RAPGEF2: variants seen among roughly 807,000 people sequenced by gnomAD.
RAPGEF2 encodes the protein Rap guanine nucleotide exchange factor 2.
RAPGEF2 carries 54 observed loss-of-function variants against 186.7 expected under a neutral mutation model. That is an observed-to-expected ratio of 0.29 (90% CI 0.23 to 0.36). The LOEUF (loss-of-function observed/expected upper bound fraction) is 0.36. Ranked by LOEUF, RAPGEF2 falls within the 10% of genes least tolerant of loss-of-function variation. The probability of loss-of-function intolerance (pLI) is 1.00; values close to 1 mark genes in which losing one functional copy is unlikely to be tolerated. For synonymous variants in RAPGEF2, 712 were observed against 705.9 expected (o/e 1.01, Z -0.14); for missense variants, 1,532 against 2,045.0 (o/e 0.75, Z 4.84).
intron 1 of RAPGEF2, among the ~76,000 whole-genome samples, chr4:159,166,474 A>G (rs978249477): frequency 5.3e-5 from 8 of 152,228 alleles, no homozygotes; most frequent in Admixed American, 6.5e-5. Context: ...TTGATCAGAC[A>G]TGCATTTTTA....
At chr4:159,173,817 G>A (rs1399381094) in intron 1 of RAPGEF2, among the ~76,000 whole-genome samples, 1 of 152,118 alleles carries the variant, frequency 6.6e-6, no homozygotes, top group Non-Finnish European at 1.5e-5. Context: ...GCTAACTTTT[G>A]ATGGAAAAAA....
chr4:159,222,985 G>C (rs1751679600), intron 4 of RAPGEF2, among the ~76,000 whole-genome samples: 1 of 151,754 alleles, frequency 6.6e-6, no homozygotes. Flanking sequence ...ACTTTATTCT[G>C]TATTATGTAC....
chr4:159,342,429 A>G (rs572038561), intron 20 of RAPGEF2, among the ~76,000 whole-genome samples: 51 of 151,942 alleles, frequency 3.4e-4, no homozygotes, highest in Middle Eastern at 3.4e-3. Flanking sequence ...GAAGAAAAAA[A>G]AATGGCAACA....
rs1343207890 is a variant in RAPGEF2, at chr4:159,243,783, A to G, written c.535A>G (p.Lys179Glu). 1 of 1,282,864 alleles carries G rather than the reference A, an allele frequency of 7.8e-7. No individual in the cohort carries two copies. The highest frequency in any genetic ancestry group is 1.0e-6 in the Non-Finnish European group (1 of 982,746). The allele number at this position is 1,282,864 out of a possible 1,614,324, so 79.5% of individuals were successfully genotyped here. Reference protein sequence around the residue: ...LPRGYHTECTKSQLPADFTKL... With the variant: ...LPRGYHTECTESQLPADFTKL... ...TCATTTTGGCTCAAAGGAATGCACT[A>G]AATCTCAGGTATTGTAATTTGTGTG... The change falls in exon 7 of 30, where the codon AAA becomes GAA. Residue 179 changes from lysine (K) to glutamate (E), a missense_variant. This residue lies in a region of RAPGEF2 where 810 missense variants were observed against 1,210.5 expected (regional missense o/e 0.67). Coordinates refer to ENST00000691494, the MANE Select transcript of RAPGEF2 (RefSeq NM_001394067.2).
At chr4:159,304,724 A>G (rs766187408) in intron 8 of RAPGEF2, among the ~76,000 whole-genome samples, 9 of 152,034 alleles carry the variant, frequency 5.9e-5, no homozygotes, top group Admixed American at 2.0e-4. Flanking sequence ...GTGGGGTAAA[A>G]GTGTAATTTT....
In RAPGEF2 at chr4:159,350,272, A is replaced by G. The variant is rs368552355; in HGVS notation, c.3848A>G (p.Gln1283Arg). ...SQLSSPPTSP[Q>R]SSPRKGYTLA... ...CTTTCTTCTCCTCCTACTTCTCCAC[A>G]GAGTTCTCCAAGGAAAGGTAGAATT... Residue 1283 changes from glutamine (Q) to arginine (R), a missense_variant, in exon 26 of 30, where the codon CAG becomes CGG. Transcript: ENST00000691494. 11 of 1,582,354 alleles carry G rather than the reference A, an allele frequency of 7.0e-6. No individual in the cohort carries two copies. Among genetic ancestry groups the G allele is most frequent in the Non-Finnish European group, 9.4e-6 (11 of 1,167,006 alleles).
At chr4:159,141,363 T>A (rs1358854295) in intron 1 of RAPGEF2, among the ~76,000 whole-genome samples, 1 of 152,152 alleles carries the variant, frequency 6.6e-6, no homozygotes. Context: ...AAGGTCAGCC[T>A]CATTCTGTCC....
chr4:159,140,988 C>G (rs1253679849), intron 1 of RAPGEF2, among the ~76,000 whole-genome samples: 4 of 152,062 alleles, frequency 2.6e-5, no homozygotes, highest in African/African-American at 9.7e-5. Flanking sequence ...CCTGCCACCA[C>G]GGCTGGCTAA....
intron 1 of RAPGEF2, among the ~76,000 whole-genome samples, chr4:159,151,593 T>C (rs1234370837): frequency 1.3e-5 from 2 of 151,894 alleles, no homozygotes; most frequent in African/African-American, 4.8e-5. Context: ...TTTTAGAAGA[T>C]GACAGTCTGA....
At position 159,265,669 on chromosome 4, in the gene RAPGEF2, A is replaced by G. The variant is rs72699371; in HGVS notation, c.543+21878A>G. On this transcript the variant is annotated intron_variant, in intron 7 of 29. Coordinates refer to ENST00000691494, the MANE Select transcript of RAPGEF2 (RefSeq NM_001394067.2). ...TAAAAGGAGCTTAGTGGATGAGGGC[A>G]AAATGATCAGGCTTTAGTTTTTATA... Among the ~76,000 whole-genome samples the G allele has an allele frequency of 1.3e-3, 202 of 152,310 alleles. 1 individual carries two copies. Among genetic ancestry groups the G allele is most frequent in the Non-Finnish European group, 2.0e-3 (139 of 68,028 alleles).
chr4:159,262,223 A>T (rs2110750790), intron 7 of RAPGEF2, among the ~76,000 whole-genome samples: 1 of 152,336 alleles, frequency 6.6e-6, no homozygotes, highest in Middle Eastern at 3.4e-3. Flanking sequence ...CCCTCATCTA[A>T]CTTATAATTC....
At chr4:159,302,093 T>C (rs1762738546) in intron 7 of RAPGEF2, among the ~76,000 whole-genome samples, 1 of 152,182 alleles carries the variant, frequency 6.6e-6, no homozygotes, top group Non-Finnish European at 1.5e-5. Context: ...GTTCTGAGCC[T>C]AACATTTCCA....
At chr4:159,143,804 T>C (rs2111170232) in intron 1 of RAPGEF2, among the ~76,000 whole-genome samples, 1 of 152,310 alleles carries the variant, frequency 6.6e-6, no homozygotes, top group Middle Eastern at 3.4e-3. Flanking sequence ...GCCTGCCTTT[T>C]TGACAGATCA....
chr4:159,267,896 T>C (rs1409212424), intron 7 of RAPGEF2: 1 of 1,169,368 alleles, frequency 8.6e-7, no homozygotes, highest in Non-Finnish European at 1.1e-6. Flanking sequence ...GTTTTCTCAG[T>C]CTTGTCATAG....
At chr4:159,218,305 A>C (rs193198974) in intron 4 of RAPGEF2, among the ~76,000 whole-genome samples, 99 of 152,328 alleles carry the variant, frequency 6.5e-4, no homozygotes, top group African/African-American at 2.3e-3. Flanking sequence ...AGGAAAAACT[A>C]CAAATCATGT....
At chr4:159,214,307 ACAGG>A (rs1408966735) in intron 4 of RAPGEF2, among the ~76,000 whole-genome samples, 2 of 152,232 alleles carry the variant, frequency 1.3e-5, no homozygotes, top group Non-Finnish European at 2.9e-5. Context: ...AAAATAATTG[ACAGG>A]CAGAGGGTAG....
chr4:159,182,175 T>C (rs1287803410), intron 1 of RAPGEF2, among the ~76,000 whole-genome samples: 1 of 152,182 alleles, frequency 6.6e-6, no homozygotes, highest in Non-Finnish European at 1.5e-5. Flanking sequence ...CTTGGAAATA[T>C]CGGAGTACAG....
intron 7 of RAPGEF2, among the ~76,000 whole-genome samples, chr4:159,279,653 CTTTATAT>C (rs922301204): frequency 2.0e-5 from 3 of 151,990 alleles, no homozygotes; most frequent in Non-Finnish European, 4.4e-5. Context: ...CTCTTTAACT[CTTTATAT>C]CCACATCCAC....
At chr4:159,255,179 C>T (rs1455449671) in intron 7 of RAPGEF2, among the ~76,000 whole-genome samples, 1 of 152,098 alleles carries the variant, frequency 6.6e-6, no homozygotes, top group Non-Finnish European at 1.5e-5. Context: ...TGTGCAAGTA[C>T]ACTCCCATGA....
Sources: allele counts gnomAD v4.1 joint callset (sites outside exome capture counted in the v4.1 genomes callset), GRCh38; gene constraint gnomAD v4.1.1; regional missense constraint gnomAD v4.1.1; transcripts MANE v1.5; gene names NCBI Gene and HGNC (gene_info 2026-07-23, HGNC 2026-07-21).